Variants in ATIC observed in about 807,000 individuals in gnomAD.
ATIC encodes bifunctional purine biosynthesis protein ATIC.
A neutral mutation model predicts 72.5 loss-of-function variants in ATIC; 64 were observed. That is an observed-to-expected ratio of 0.88 (90% CI 0.72 to 1.09). The LOEUF is 1.09. Among genes scored for constraint, ATIC ranks in the 50% least tolerant of loss-of-function variants. The pLI is 0.00. For synonymous variants in ATIC, 281 were observed against 267.1 expected, an observed-to-expected ratio of 1.05 and a Z score of -0.51; for missense variants, 787 against 732.4, an observed-to-expected ratio of 1.07 and a Z score of -0.86.
chr2:215,344,834 C>T lies in ATIC; in HGVS notation c.1283C>T (p.Thr428Ile). The change falls in exon 13 of 16, where the codon ACT becomes ATT. Residue 428 changes from threonine (T) to isoleucine (I), a missense_variant. Physicochemically the swap from Thr to Ile is moderately conservative, Grantham distance 89. Coordinates refer to ENST00000236959, the MANE Select transcript of ATIC (RefSeq NM_004044.7). Reference sequence around the variant, plus strand: ...GTAGCCACCATTGCTGTCAAGTACACTCAGTCTAACTCTGTGTGCTACGCC... The same window carrying T: ...GTAGCCACCATTGCTGTCAAGTACATTCAGTCTAACTCTGTGTGCTACGCC... ...LIVATIAVKY[T>I]QSNSVCYAKN... The T allele has an allele frequency of 6.2e-7, 1 of 1,614,082 alleles. No homozygotes were observed. The highest frequency in any genetic ancestry group is 1.1e-5 in the South Asian group (1 of 91,080).
the ATIC span, chr2:215,365,533 G>A: frequency 2.1e-5 from 34 of 1,614,002 alleles, no homozygotes; most frequent in African/African-American, 8.0e-5. Flanking sequence ...CTCCTTTTCC[G>A]TTCCCAAGAC....
intron 11 of ATIC, 143 bp from the exon 12 acceptor site, chr2:215,338,636 A>AAAAATTAG: frequency 2.4e-6 from 2 of 848,242 alleles, no homozygotes; most frequent in Non-Finnish European, 3.5e-6. Flanking sequence ...GTTGTGTGAG[A>AAAAATTAG]AAAATTAGAA....
downstream of ATIC, among the ~76,000 whole-genome samples, chr2:215,354,605 A>G (rs113624657): frequency 5.1e-3 from 779 of 152,030 alleles, 6 homozygotes; most frequent in African/African-American, 0.018. Flanking sequence ...CTGGTCTTCT[A>G]ATTTTCTCAT....
chr2:215,365,196 C>T, the ATIC span, among the ~76,000 whole-genome samples: 2 of 152,102 alleles, frequency 1.3e-5, no homozygotes, highest in African/African-American at 2.4e-5. Flanking sequence ...AAGGGTCCAA[C>T]GGGAAGATGG....
intron 2 of ATIC, among the ~76,000 whole-genome samples, chr2:215,317,224 A>G (rs1197760292): frequency 6.6e-6 from 1 of 151,932 alleles, no homozygotes; most frequent in Non-Finnish European, 1.5e-5. Flanking sequence ...TTGTGTGATT[A>G]TTTTTTCTAG....
chr2:215,349,244 A>T lies in ATIC; in HGVS notation c.1654A>T (p.Lys552Ter), dbSNP rs1389373911. 6.2e-7 allele frequency: 1 copy of T among 1,614,150 alleles called. No individual in the cohort carries two copies. Among genetic ancestry groups the T allele is most frequent in the Non-Finnish European group, 8.5e-7 (1 of 1,180,014 alleles). Residue 552 changes from lysine to a stop codon, truncating the protein, a stop_gained, in exon 15 of 16, where the codon AAA becomes TAA. Transcript: ENST00000236959. LOFTEE classifies it high-confidence loss of function. ...FPFRDNVDRA[K>*]RSGVAYIAAP... ...TTTCCGAGATAACGTAGACAGAGCT[A>T]AAAGGGTAAGTATGGAATTGGGTGC...
intron 7 of ATIC, among the ~76,000 whole-genome samples, chr2:215,331,234 G>C (rs13005172): frequency 0.46 from 70,219 of 151,426 alleles, 18,075 homozygotes; most frequent in East Asian, 0.78. Flanking sequence ...TAAGAGGGTT[G>C]CAGGGACGGT....
intron 8 of ATIC, 25 bp downstream of exon 8, chr2:215,332,532 T>C (rs2052907405): frequency 6.2e-7 from 1 of 1,612,558 alleles, no homozygotes; most frequent in Non-Finnish European, 8.5e-7. Flanking sequence ...TCTGGAAAGC[T>C]CCAGAATTGT....
intron 7 of ATIC, among the ~76,000 whole-genome samples, chr2:215,328,382 C>T (rs1212909186): frequency 6.6e-6 from 1 of 152,138 alleles, no homozygotes; most frequent in East Asian, 1.9e-4. Context: ...TTTGCCCTGC[C>T]CCACAAACCC....
Position 215,312,093 on chromosome 2 carries a change from G to A in ATIC, c.-50G>A, listed in dbSNP as rs2052656760. The A allele has an allele frequency of 3.9e-6, 6 of 1,529,968 alleles. No individual in the cohort carries two copies. Among genetic ancestry groups the A allele is most frequent in the Non-Finnish European group, 5.2e-6 (6 of 1,144,650 alleles). 94.8% of individuals were successfully genotyped at this position (1,529,968 alleles called of 1,614,324 possible). A position where few individuals can be genotyped will look rare whatever the true frequency, so the allele number is the denominator to read the frequency against. On this transcript the variant is annotated 5_prime_UTR_variant, in exon 1 of 16. Coordinates refer to ENST00000236959, the MANE Select transcript of ATIC (RefSeq NM_004044.7). ...CGGCAGCCCTCCTACCTGCGCACGT[G>A]GTGCCGCCGCTGCTGCCTCCCGCTC...
chr2:215,323,904 A>G (rs1325013216), intron 4 of ATIC, among the ~76,000 whole-genome samples: 1 of 152,172 alleles, frequency 6.6e-6, no homozygotes, highest in Non-Finnish European at 1.5e-5. Context: ...CTGGGGTTAC[A>G]GGCATGTGCC....
In ATIC at chr2:215,349,755, A is replaced by C. The variant is rs977815553; in HGVS notation, c.*100A>C. On this transcript the variant is annotated 3_prime_UTR_variant, in exon 16 of 16. Coordinates refer to ENST00000236959, the MANE Select transcript of ATIC (RefSeq NM_004044.7). ...TTAAAAAAATAAAACAGTATCTCTT[A>C]ATCACTGGATCCATAGTTTTTGGTA... 9 of 1,593,538 alleles carry C rather than the reference A, an allele frequency of 5.6e-6. No homozygotes were observed. The highest frequency in any genetic ancestry group is 6.9e-6 in the Non-Finnish European group (8 of 1,162,652).
chr2:215,332,333 G>A, intron 7 of ATIC, 49 bp from the exon 8 acceptor site: 1 of 1,612,442 alleles, frequency 6.2e-7, no homozygotes, highest in Non-Finnish European at 8.5e-7. Context: ...GCATACATCT[G>A]ACCTTACTGA....
the ATIC span, chr2:215,367,800 T>G: frequency 1.3e-6 from 2 of 1,520,730 alleles, no homozygotes; most frequent in Non-Finnish European, 1.8e-6. Flanking sequence ...CCTTGGCACA[T>G]GAGTGCATGC....
chr2:215,327,124 G>A, intron 7 of ATIC, 146 bp downstream of exon 7: 12 of 1,328,628 alleles, frequency 9.0e-6, no homozygotes, highest in South Asian at 6.2e-5. Context: ...GGTTTGAGAC[G>A]CCATTTGGAC....
At chr2:215,340,282 G>A (rs928505461) in intron 12 of ATIC, among the ~76,000 whole-genome samples, 4 of 152,152 alleles carry the variant, frequency 2.6e-5, no homozygotes, top group African/African-American at 2.4e-5. Flanking sequence ...TGTCAATTGT[G>A]AAGATCACAA....
intron 7 of ATIC, among the ~76,000 whole-genome samples, chr2:215,331,505 C>A (rs182672326): frequency 6.6e-6 from 1 of 151,664 alleles, no homozygotes; most frequent in Non-Finnish European, 1.5e-5. Flanking sequence ...GCCTCAGCCT[C>A]CCTAGTAGCT....
the ATIC span, chr2:215,361,223 A>G: frequency 8.1e-5 from 24 of 297,554 alleles, no homozygotes; most frequent in African/African-American, 4.9e-4. Flanking sequence ...TGGTCATATC[A>G]TTTCAAAACA....
At chr2:215,365,430 T>C in the ATIC span, 2 of 1,480,068 alleles carry the variant, frequency 1.4e-6, no homozygotes, top group South Asian at 1.1e-5. Context: ...ATCATTTCTG[T>C]GAATGAGAGT....
Sources: allele counts gnomAD v4.1 joint callset (sites outside exome capture counted in the v4.1 genomes callset), GRCh38; gene constraint gnomAD v4.1.1; transcripts MANE v1.5; gene names NCBI Gene and HGNC (gene_info 2026-07-23, HGNC 2026-07-21).